Variants in MAML3 observed in about 807,000 individuals in gnomAD.
The protein encoded by MAML3 is mastermind like transcriptional coactivator 3.
MAML3 carries 27 observed loss-of-function variants against 101.9 expected under a neutral mutation model. The ratio of observed to expected loss-of-function variants is 0.27; its 90% confidence interval spans 0.20 to 0.37. The LOEUF (loss-of-function observed/expected upper bound fraction) is 0.37. Ranked by LOEUF, MAML3 falls within the 10% of genes least tolerant of loss-of-function variation. The pLI, the probability that MAML3 is intolerant of heterozygous loss-of-function variation, is 1.00. For synonymous variants in MAML3, 501 were observed against 555.9 expected (o/e 0.90, Z 1.39); for missense variants, 1,316 against 1,444.9 (o/e 0.91, Z 1.45).
intron 2 of MAML3, among the ~76,000 whole-genome samples, chr4:139,741,864 T>A (rs538944430): frequency 1.2e-4 from 18 of 152,342 alleles, no homozygotes; most frequent in African/African-American, 3.6e-4. Context: ...CTGTATTTTT[T>A]AAAATAAAAA....
intron 1 of MAML3, among the ~76,000 whole-genome samples, chr4:140,029,104 C>A (rs1414208218): frequency 6.6e-6 from 1 of 152,148 alleles, no homozygotes; most frequent in Non-Finnish European, 1.5e-5. Context: ...TCAGAGACTG[C>A]CCAGGTACAC....
chr4:139,751,413 G>T (rs140683483), intron 2 of MAML3, among the ~76,000 whole-genome samples: 5 of 152,144 alleles, frequency 3.3e-5, no homozygotes, highest in African/African-American at 1.2e-4. Flanking sequence ...CATAATACAC[G>T]TTATACACAT....
At chr4:139,751,486 C>G (rs575568822) in intron 2 of MAML3, among the ~76,000 whole-genome samples, 1 of 152,314 alleles carries the variant, frequency 6.6e-6, no homozygotes, top group South Asian at 2.1e-4. Flanking sequence ...GTTTTGACTG[C>G]ATTTTGACTG....
intron 1 of MAML3, among the ~76,000 whole-genome samples, chr4:139,892,930 CA>C (rs572440211): frequency 4.3e-3 from 298 of 69,862 alleles, no homozygotes; most frequent in African/African-American, 9.4e-3. Flanking sequence ...GACTCCGTCT[CA>C]AAAAAAAAAA....
At chr4:140,002,128 C>T (rs1234408696) in intron 1 of MAML3, among the ~76,000 whole-genome samples, 2 of 152,036 alleles carry the variant, frequency 1.3e-5, no homozygotes, top group Non-Finnish European at 2.9e-5. Flanking sequence ...CTATAGTCAC[C>T]ACGTTGTATA....
chr4:139,913,618 C>T (rs1314064121), intron 1 of MAML3, among the ~76,000 whole-genome samples: 4 of 152,166 alleles, frequency 2.6e-5, no homozygotes, highest in South Asian at 2.1e-4. Context: ...CAGAAGCAGA[C>T]GTTCAATGGC....
At chr4:139,753,102 G>A (rs1321537061) in intron 2 of MAML3, among the ~76,000 whole-genome samples, 2 of 152,188 alleles carry the variant, frequency 1.3e-5, no homozygotes, top group African/African-American at 4.8e-5. Flanking sequence ...TTTGTAGAAA[G>A]AGAGGGTTAC....
chr4:139,787,653 T>C (rs1239973804), intron 2 of MAML3, among the ~76,000 whole-genome samples: 1 of 152,242 alleles, frequency 6.6e-6, no homozygotes, highest in Non-Finnish European at 1.5e-5. Context: ...CCAAGCATCC[T>C]ATTGGCTTTT....
chr4:139,848,642 A>G (rs1731490377), intron 2 of MAML3, among the ~76,000 whole-genome samples: 1 of 152,218 alleles, frequency 6.6e-6, no homozygotes, highest in Non-Finnish European at 1.5e-5. Flanking sequence ...TAATATCATA[A>G]TAAAATGTTG....
At chr4:140,108,213 C>T (rs78440925) in intron 1 of MAML3, among the ~76,000 whole-genome samples, 9 of 152,226 alleles carry the variant, frequency 5.9e-5, no homozygotes, top group African/African-American at 2.2e-4. Flanking sequence ...TGCTGCCCCT[C>T]AGCCTGAAAT....
At chr4:139,793,027 T>G (rs2111093729) in intron 2 of MAML3, among the ~76,000 whole-genome samples, 1 of 152,280 alleles carries the variant, frequency 6.6e-6, no homozygotes, top group Non-Finnish European at 1.5e-5. Context: ...ATTACAGGCG[T>G]GAGACACCGC....
At chr4:139,823,761 G>C (rs1369570151) in intron 2 of MAML3, among the ~76,000 whole-genome samples, 1 of 151,102 alleles carries the variant, frequency 6.6e-6, no homozygotes, top group Non-Finnish European at 1.5e-5. Flanking sequence ...AGCTGCACAA[G>C]GGCAGAGTTC....
chr4:140,123,239 A>G lies in MAML3; in HGVS notation c.468+29621T>C, dbSNP rs1433888563. 3.3e-5 allele frequency among the ~76,000 whole-genome samples: 5 copies of G among 152,322 alleles called. No individual in the cohort carries two copies. The East Asian group carries it at 9.7e-4, about 29-fold the overall frequency. ...ATCCTGTCCCAAACAAGGTTTGTTA[A>G]GACAGCTTACAAAAATACACACAGA... On this transcript the variant is annotated intron_variant, in intron 1 of 4. Coordinates refer to ENST00000509479, the MANE Select transcript of MAML3 (RefSeq NM_018717.5).
rs1732459756 is a variant in MAML3, at chr4:139,890,738, C to T, written c.698G>A (p.Gly233Glu). Residue 233 changes from glycine to glutamate, a missense_variant, in exon 2 of 5, where the codon GGA becomes GAA. By Grantham distance (98) the Gly-to-Glu change is moderately conservative. Transcript: ENST00000509479. This position sits in a 1 kb window ranked among gnomAD's most constrained non-coding sequence, Gnocchi z 4.1. ...TTCTAGAAGCCCAGGAGTGTGAGTT[C>T]CACTGTTCTGCAAGGGCAAAGAAGG... is the stretch of plus-strand genomic sequence containing the variant. ...LKPSLPLQNS[G>E]THTPGLLEDL... The T allele has an allele frequency of 5.0e-6, 8 of 1,613,888 alleles. No homozygotes were observed. The highest frequency in any genetic ancestry group is 1.1e-5 in the South Asian group (1 of 91,088).
chr4:140,097,247 G>C (rs531158678), intron 1 of MAML3, among the ~76,000 whole-genome samples: 114 of 152,250 alleles, frequency 7.5e-4, no homozygotes, highest in African/African-American at 2.7e-3. Context: ...TCTATTTCAA[G>C]GCAGGTTCCA....
chr4:139,937,304 ACAC>A (rs1694339782), intron 1 of MAML3, among the ~76,000 whole-genome samples: 1 of 152,206 alleles, frequency 6.6e-6, no homozygotes, highest in Non-Finnish European at 1.5e-5. Flanking sequence ...CAACAACAAA[ACAC>A]CACAAGATTT....
intron 2 of MAML3, among the ~76,000 whole-genome samples, chr4:139,879,263 C>T (rs1321022933): frequency 1.3e-5 from 2 of 152,000 alleles, no homozygotes; most frequent in South Asian, 2.1e-4. Context: ...CAGTGGCTCA[C>T]GCTTGTAATT....
At chr4:140,062,049 A>G (rs930957270) in intron 1 of MAML3, among the ~76,000 whole-genome samples, 2 of 152,110 alleles carry the variant, frequency 1.3e-5, no homozygotes, top group African/African-American at 4.8e-5. Flanking sequence ...AGGAACAGAT[A>G]CCTCCCGCCC....
chr4:140,136,923 C>T (rs1194514718), intron 1 of MAML3, among the ~76,000 whole-genome samples: 1 of 152,216 alleles, frequency 6.6e-6, no homozygotes, highest in Non-Finnish European at 1.5e-5. Context: ...TTCTTCCTCC[C>T]ATTTCATTAT....
Sources: gnomAD v4.1 joint callset for allele counts (sites outside exome capture counted in the v4.1 genomes callset) on GRCh38, gnomAD v4.1.1 for gene constraint, Gnocchi (gnomAD v3.1) non-coding constraint, MANE v1.5 for transcripts, NCBI Gene and HGNC (gene_info 2026-07-23, HGNC 2026-07-21) for gene names.